Variants in OPCML observed in about 807,000 individuals in gnomAD.
OPCML encodes the protein opioid-binding protein/cell adhesion molecule.
OPCML carries 13 observed loss-of-function variants against 37.8 expected under a neutral mutation model. The ratio of observed to expected loss-of-function variants is 0.34; its 90% CI spans 0.22 to 0.55. The LOEUF (loss-of-function observed/expected upper bound fraction) is 0.55, where lower values mean the gene tolerates loss of function less well. Ranked by LOEUF, OPCML falls within the 20% of genes least tolerant of loss-of-function variation. The pLI is 0.91. For synonymous variants in OPCML, 176 were observed against 168.8 expected (o/e 1.04, Z -0.33); for missense variants, 341 against 435.6 (o/e 0.78, Z 1.93).
rs569283235 is a variant in OPCML at position 133,010,093 on chromosome 11, A to G, written c.62-67083T>C. ...TTCTTGGGATGCCTTTGCATTTTGA[A>G]TCCCTACTGTCCTGTCCACTCTTCA... On this transcript the variant is annotated intron_variant, in intron 1 of 7. Coordinates refer to ENST00000524381, the MANE Select transcript of OPCML (RefSeq NM_001012393.5). Among the ~76,000 whole-genome samples the G allele has an allele frequency of 1.8e-4, 27 of 152,290 alleles. No individual in the cohort carries two copies. In the South Asian group the frequency reaches 1.9e-3, roughly 11 times the overall value.
At chr11:132,656,818 C>T (rs909984684) in intron 3 of OPCML, among the ~76,000 whole-genome samples, 2 of 152,180 alleles carry the variant, frequency 1.3e-5, no homozygotes, top group Non-Finnish European at 2.9e-5. Context: ...TGCTAAGTAA[C>T]TTACGAGAGC....
intron 1 of OPCML, among the ~76,000 whole-genome samples, chr11:133,459,923 T>G (rs779988395): frequency 1.6e-4 from 25 of 152,018 alleles, no homozygotes; most frequent in African/African-American, 2.7e-4. Flanking sequence ...AATATACATT[T>G]TCTCCAGTGC....
At chr11:133,141,077 AAGAAGAAGAAGAAGAAGG>A (rs1162586574) in intron 1 of OPCML, among the ~76,000 whole-genome samples, 10 of 116,770 alleles carry the variant, frequency 8.6e-5, no homozygotes, top group African/African-American at 1.5e-4. Flanking sequence ...GAAGAAGAAG[AAGAAGAAGAAGAAGAAGG>A]AGAAGAAGAA....
chr11:133,204,671 A>G (rs965965401), intron 1 of OPCML, among the ~76,000 whole-genome samples: 8 of 151,936 alleles, frequency 5.3e-5, no homozygotes, highest in Non-Finnish European at 1.2e-4. Context: ...CCCCCTAAAG[A>G]GCAAAAGCAA....
At chr11:133,180,718 G>T (rs549215129) in intron 1 of OPCML, among the ~76,000 whole-genome samples, 1 of 151,822 alleles carries the variant, frequency 6.6e-6, no homozygotes, top group East Asian at 1.9e-4. Flanking sequence ...GTATGACATC[G>T]CTCGCCCTCA....
chr11:132,789,807 C>T (rs1056824171), intron 2 of OPCML, among the ~76,000 whole-genome samples: 8 of 152,152 alleles, frequency 5.3e-5, no homozygotes, highest in Non-Finnish European at 8.8e-5. Flanking sequence ...CCAACATCAG[C>T]AATGCCCCTC....
At position 132,673,375 on chromosome 11, in the gene OPCML, G is replaced by T. The variant is rs911354073; in HGVS notation, c.147-16056C>A. On this transcript the variant is annotated intron_variant, in intron 2 of 7. Transcript: ENST00000524381. ...AGATGGAAGTGGGTGGGCCATTGGG[G>T]CATCAGACATGAGGAAAGTGTCTCT... Among the ~76,000 whole-genome samples the T allele has an allele frequency of 3.9e-5, 6 of 152,108 alleles. No individual in the cohort carries two copies. The South Asian group carries it at 1.0e-3, about 26-fold the overall frequency.
chr11:133,047,947 A>G (rs971617404), intron 1 of OPCML, among the ~76,000 whole-genome samples: 2 of 152,168 alleles, frequency 1.3e-5, no homozygotes, highest in African/African-American at 4.8e-5. Context: ...TGGCCAGGGC[A>G]CTGCGAGAGG....
chr11:132,629,327 G>A (rs1379495775), intron 3 of OPCML, among the ~76,000 whole-genome samples: 1 of 152,168 alleles, frequency 6.6e-6, no homozygotes, highest in Non-Finnish European at 1.5e-5. Context: ...ACTGAGTACA[G>A]TAGATAATGC....
chr11:133,131,099 G>T (rs1252197214), intron 1 of OPCML, among the ~76,000 whole-genome samples: 1 of 152,080 alleles, frequency 6.6e-6, no homozygotes, highest in Non-Finnish European at 1.5e-5. Context: ...GAGGGCTTTT[G>T]TACCTCCCAC....
intron 2 of OPCML, among the ~76,000 whole-genome samples, chr11:132,926,125 G>T (rs1203511278): frequency 6.6e-6 from 1 of 152,262 alleles, no homozygotes; most frequent in South Asian, 2.1e-4. Context: ...AGAGACCCTT[G>T]TCCCTCTCAA....
rs375954390 is a variant in OPCML at position 133,096,326 on chromosome 11, G to A, written c.62-153316C>T. On this transcript the variant is annotated intron_variant, in intron 1 of 7. Transcript: ENST00000524381. Reference sequence around the variant, plus strand: ...CATAAATTAGTTGTGAATGTATAGTGTGAACTCTAGGGCAACCACTAAAAA... The same window carrying A: ...CATAAATTAGTTGTGAATGTATAGTATGAACTCTAGGGCAACCACTAAAAA... Among the ~76,000 whole-genome samples the A allele has an allele frequency of 3.9e-5, 6 of 152,014 alleles. No individual in the cohort carries two copies. The East Asian group carries it at 7.7e-4, about 20-fold the overall frequency.
chr11:133,399,113 T>C (rs1945347350), intron 1 of OPCML, among the ~76,000 whole-genome samples: 1 of 152,142 alleles, frequency 6.6e-6, no homozygotes, highest in African/African-American at 2.4e-5. Flanking sequence ...AAATGTTAGG[T>C]ATGATTTTTT....
At chr11:132,850,890 T>C (rs2136328302) in intron 2 of OPCML, among the ~76,000 whole-genome samples, 1 of 152,300 alleles carries the variant, frequency 6.6e-6, no homozygotes, top group East Asian at 1.9e-4. Flanking sequence ...TTTTCTGCCT[T>C]TACCATCCTT....
chr11:133,476,249 C>T (rs951744738), intron 1 of OPCML, among the ~76,000 whole-genome samples: 2 of 152,174 alleles, frequency 1.3e-5, no homozygotes, highest in Non-Finnish European at 2.9e-5. Context: ...AACAGTACAA[C>T]ATCTACTTAC....
At chr11:132,563,571 T>A (rs2096415418) in intron 3 of OPCML, among the ~76,000 whole-genome samples, 1 of 152,030 alleles carries the variant, frequency 6.6e-6, no homozygotes, top group Non-Finnish European at 1.5e-5. Flanking sequence ...TGTCACTATA[T>A]TAATTGTTCA....
Position 133,134,395 on chromosome 11 carries a change from G to T in OPCML, c.62-191385C>A, listed in dbSNP as rs368637995. 2.0e-4 allele frequency among the ~76,000 whole-genome samples: 30 copies of T among 152,250 alleles called. No homozygotes were observed. In the South Asian group the frequency reaches 6.0e-3, roughly 31 times the overall value. ...TGCAAGGTCTTTCCTCCCAAACACT[G>T]GAAGTCCCAGGGACTGAGGCACCTC... On this transcript the variant is annotated intron_variant, in intron 1 of 7. Coordinates refer to ENST00000524381, the MANE Select transcript of OPCML (RefSeq NM_001012393.5).
chr11:132,926,692 C>T (rs1251288357), intron 2 of OPCML, among the ~76,000 whole-genome samples: 1 of 151,604 alleles, frequency 6.6e-6, no homozygotes, highest in East Asian at 1.9e-4. Context: ...GTAAAATATG[C>T]CCCATTCAAA....
intron 3 of OPCML, among the ~76,000 whole-genome samples, chr11:132,632,395 TGTGACACGAGAAGAGGAG>T (rs1260045927): frequency 2.0e-5 from 3 of 152,046 alleles, no homozygotes; most frequent in Non-Finnish European, 4.4e-5. Flanking sequence ...TTCACAACTC[TGTGACACGAGAAGAGGAG>T]GTGACACTAT....
Sources: gnomAD v4.1 joint callset for allele counts (sites outside exome capture counted in the v4.1 genomes callset) on GRCh38, gnomAD v4.1.1 for gene constraint, MANE v1.5 for transcripts, NCBI Gene and HGNC (gene_info 2026-07-23, HGNC 2026-07-21) for gene names.